TBCK: variants seen among roughly 807,000 people sequenced by gnomAD.
The protein encoded by TBCK is TBC1 domain containing kinase, also known as TBC domain-containing protein kinase-like protein.
TBCK carries 99 observed loss-of-function variants against 113.4 expected under a neutral mutation model. The observed-to-expected ratio is 0.87, with a 90% CI of 0.74 to 1.03. The LOEUF is 1.03. Ranked by LOEUF, TBCK falls within the 50% of genes least tolerant of loss-of-function variation. The pLI is 0.00. For missense variants in TBCK, 1,045 were observed against 1,061.3 expected (o/e 0.98, Z 0.21); for synonymous variants, 369 against 370.8 (o/e 1.00, Z 0.05).
At chr4:106,244,570 G>C (rs1760546702) in intron 11 of TBCK, 56 bp downstream of exon 11, 1 of 1,299,464 alleles carries the variant, frequency 7.7e-7, no homozygotes, top group Non-Finnish European at 1.0e-6. Flanking sequence ...TATTACCATA[G>C]AATTATTACC....
intron 17 of TBCK, among the ~76,000 whole-genome samples, chr4:106,232,164 C>T (rs1337676998): frequency 1.3e-5 from 2 of 151,464 alleles, no homozygotes; most frequent in Admixed American, 6.6e-5. Context: ...TGTTGTTTTT[C>T]TTTGGGATTA....
rs142534783 is a variant in TBCK, at chr4:106,065,232, A to G, written c.2572-18552T>C. On this transcript the variant is annotated intron_variant, in intron 25 of 25. Coordinates refer to ENST00000394708, the MANE Select transcript of TBCK (RefSeq NM_001163435.3). ...ATTGATCTGAATAGTTATTGCTTCA[A>G]TTCCCAGATTTATATACTTGTTCTC... Among the ~76,000 whole-genome samples the G allele has an allele frequency of 5.0e-3, 764 of 152,110 alleles. 4 individuals are homozygous for G. The highest frequency in any genetic ancestry group is 0.018 in the African/African-American group (735 of 41,548).
At chr4:106,196,681 T>C (rs1754279059) in intron 20 of TBCK, among the ~76,000 whole-genome samples, 1 of 152,016 alleles carries the variant, frequency 6.6e-6, no homozygotes, top group South Asian at 2.1e-4. Flanking sequence ...AGTACAAAGG[T>C]ATATGACTTC....
chr4:106,302,605 A>T (rs1767065960), intron 2 of TBCK, among the ~76,000 whole-genome samples: 1 of 152,216 alleles, frequency 6.6e-6, no homozygotes, highest in Non-Finnish European at 1.5e-5. Flanking sequence ...AGTGGGAATA[A>T]ACAAAGGGCT....
intron 10 of TBCK, among the ~76,000 whole-genome samples, chr4:106,246,491 AT>A (rs1760830062): frequency 2.0e-5 from 3 of 152,052 alleles, no homozygotes; most frequent in Admixed American, 2.0e-4. Context: ...TATCAATAAT[AT>A]TATTTTTAGA....
At chr4:106,227,152 C>T (rs959719493) in intron 19 of TBCK, among the ~76,000 whole-genome samples, 1 of 151,998 alleles carries the variant, frequency 6.6e-6, no homozygotes, top group Admixed American at 6.6e-5. Context: ...TCAAACCAAA[C>T]CATTTCAAAA....
chr4:106,081,910 C>A (rs1050939070), intron 25 of TBCK, among the ~76,000 whole-genome samples: 2 of 152,158 alleles, frequency 1.3e-5, no homozygotes, highest in Non-Finnish European at 2.9e-5. Flanking sequence ...GAGATACCAT[C>A]TCACATCAGT....
chr4:106,135,458 C>A (rs1304189730), intron 23 of TBCK, among the ~76,000 whole-genome samples: 1 of 96,726 alleles, frequency 1.0e-5, no homozygotes, highest in East Asian at 2.6e-4. Flanking sequence ...CACTACCCTG[C>A]CTCTCTTGTA....
chr4:106,285,469 G>A (rs746444198), intron 3 of TBCK, among the ~76,000 whole-genome samples: 2 of 151,358 alleles, frequency 1.3e-5, no homozygotes, highest in Non-Finnish European at 2.9e-5. Flanking sequence ...ATATTAAATC[G>A]GTCATGAAAA....
intron 23 of TBCK, among the ~76,000 whole-genome samples, chr4:106,169,085 G>T (rs34271829): frequency 0.21 from 31,340 of 151,928 alleles, 3,977 homozygotes; most frequent in Non-Finnish European, 0.29. Context: ...AGCACTTTTG[G>T]TCCCAAGCAT....
chr4:106,155,610 T>C (rs1168521626), intron 23 of TBCK, among the ~76,000 whole-genome samples: 1 of 152,110 alleles, frequency 6.6e-6, no homozygotes, highest in African/African-American at 2.4e-5. Flanking sequence ...CTGTGTATTT[T>C]CAAACGGCCT....
intron 19 of TBCK, among the ~76,000 whole-genome samples, chr4:106,227,235 C>A (rs1758339625): frequency 6.6e-6 from 1 of 151,550 alleles, no homozygotes; most frequent in Non-Finnish European, 1.5e-5. Context: ...TTTCTAACTC[C>A]TATCTACACT....
intron 23 of TBCK, among the ~76,000 whole-genome samples, chr4:106,150,144 G>C (rs1748310108): frequency 6.6e-6 from 1 of 152,176 alleles, no homozygotes; most frequent in African/African-American, 2.4e-5. Flanking sequence ...CTTAGAGAGT[G>C]AGTAGGCTGA....
At chr4:106,139,116 T>C (rs1417748164) in intron 23 of TBCK, among the ~76,000 whole-genome samples, 3 of 140,566 alleles carry the variant, frequency 2.1e-5, no homozygotes, top group African/African-American at 7.5e-5. Flanking sequence ...CTGGTCCTCC[T>C]TGTCACTTGG....
intron 2 of TBCK, among the ~76,000 whole-genome samples, chr4:106,301,625 C>T (rs1766952494): frequency 6.6e-6 from 1 of 152,062 alleles, no homozygotes; most frequent in South Asian, 2.1e-4. Flanking sequence ...TTCGAATGAT[C>T]TATAGAAAAC....
At chr4:106,068,466 G>A (rs1352258593) in intron 25 of TBCK, among the ~76,000 whole-genome samples, 1 of 152,132 alleles carries the variant, frequency 6.6e-6, no homozygotes, top group Non-Finnish European at 1.5e-5. Context: ...TGTCCCTAGA[G>A]AAGACATGAA....
intron 2 of TBCK, among the ~76,000 whole-genome samples, chr4:106,299,921 G>C (rs1766741504): frequency 2.0e-5 from 3 of 152,180 alleles, no homozygotes; most frequent in African/African-American, 7.2e-5. Context: ...AGCGTCTCTA[G>C]CCTGAACTGT....
chr4:106,160,793 T>C (rs750156456), intron 23 of TBCK, among the ~76,000 whole-genome samples: 1 of 152,004 alleles, frequency 6.6e-6, no homozygotes, highest in Non-Finnish European at 1.5e-5. Flanking sequence ...GAAACCAGAA[T>C]CTTGAAGAGA....
chr4:106,172,780 A>AC (rs895390157), intron 22 of TBCK, among the ~76,000 whole-genome samples: 1 of 152,126 alleles, frequency 6.6e-6, no homozygotes, highest in Non-Finnish European at 1.5e-5. Context: ...CTATTATGTG[A>AC]CAGGTATTGT....
Sources: allele counts gnomAD v4.1 joint callset (sites outside exome capture counted in the v4.1 genomes callset), GRCh38; gene constraint gnomAD v4.1.1; transcripts MANE v1.5; gene names NCBI Gene and HGNC (gene_info 2026-07-23, HGNC 2026-07-21).